Variants in TRHDE observed in about 807,000 individuals in gnomAD.
TRHDE encodes thyrotropin-releasing hormone-degrading ectoenzyme.
Under a neutral mutation model 125.7 loss-of-function variants are expected in TRHDE, and 72 were observed. The ratio of observed to expected loss-of-function variants is 0.57; its 90% confidence interval spans 0.47 to 0.70. TRHDE has a LOEUF of 0.70. Among genes scored for constraint, TRHDE ranks in the 30% least tolerant of loss-of-function variants. The pLI is 0.00. For missense variants in TRHDE, 1,110 were observed against 1,327.1 expected (o/e 0.84, Z 2.54); for synonymous variants, 509 against 509.1 (o/e 1.00, Z 0.00).
chr12:72,294,855 G>A (rs997257844), intron 2 of TRHDE, among the ~76,000 whole-genome samples: 1 of 152,008 alleles, frequency 6.6e-6, no homozygotes, highest in Non-Finnish European at 1.5e-5. Context: ...AATTTGTGGG[G>A]GGTGAGGTGG....
chr12:72,239,468 A>G (rs1182426562), intron 2 of TRHDE, among the ~76,000 whole-genome samples: 1 of 152,132 alleles, frequency 6.6e-6, no homozygotes, highest in Non-Finnish European at 1.5e-5. Context: ...GCCCATGCCT[A>G]TGTCCTGAAT....
intron 1 of TRHDE, chr12:72,274,681 G>C (rs1592512468): frequency 6.6e-6 from 1 of 152,324 alleles, no homozygotes; most frequent in South Asian, 2.1e-4. Context: ...AGAGTGAGCA[G>C]ACAAAGCACG....
chr12:72,648,010 T>C (rs1409757064), intron 15 of TRHDE, among the ~76,000 whole-genome samples: 1 of 152,096 alleles, frequency 6.6e-6, no homozygotes, highest in African/African-American at 2.4e-5. Flanking sequence ...TACAGAATAC[T>C]AGCAGCCTGA....
rs139906353 is a variant in TRHDE at position 72,366,064 on chromosome 12, G to A, written c.1189-11931G>A. ...GCCTTCTCCTCTTCGGAGGTCCAAC[G>A]AACTCTTTCTGCCTCCCCCTTATAA... On this transcript the variant is annotated intron_variant, in intron 2 of 18. Coordinates refer to ENST00000261180, the MANE Select transcript of TRHDE (RefSeq NM_013381.3). Among the ~76,000 whole-genome samples, 29 of 152,122 alleles carry A rather than the reference G, an allele frequency of 1.9e-4. No individual in the cohort carries two copies. In the South Asian group the frequency reaches 4.8e-3, roughly 25 times the overall value.
In TRHDE at chr12:72,176,294, C is replaced by T. The variant is rs371806588; in HGVS notation, n.279+70542C>T. Among the ~76,000 whole-genome samples the T allele has an allele frequency of 1.1e-4, 17 of 152,212 alleles. No individual in the cohort carries two copies. The South Asian group carries it at 1.2e-3, about 11-fold the overall frequency. On this transcript the variant is annotated intron_variant and non_coding_transcript_variant, in intron 2 of 4. Coordinates refer to the TRHDE transcript ENST00000548156. ...GCCTAGGTAAGAGGATCGCTTGAGC[C>T]GGGGAGGTGGAGGTTGCAGCGAGCC...
At chr12:72,517,100 A>G (rs1233266602) in intron 6 of TRHDE, among the ~76,000 whole-genome samples, 1 of 151,716 alleles carries the variant, frequency 6.6e-6, no homozygotes, top group Non-Finnish European at 1.5e-5. Context: ...TTGGTCTAAA[A>G]TTCTCTTTTT....
chr12:72,268,937 GA>G (rs1439731085), upstream of TRHDE, among the ~76,000 whole-genome samples: 1 of 152,034 alleles, frequency 6.6e-6, no homozygotes, highest in African/African-American at 2.4e-5. Context: ...ATGTTTCTGA[GA>G]GAAACATCAG....
At position 72,216,603 on chromosome 12, in the gene TRHDE, G is replaced by GA. The variant is rs567177295; in HGVS notation, n.279+110859dup. On this transcript the variant is annotated intron_variant and non_coding_transcript_variant, in intron 2 of 4. Transcript: ENST00000548156. ...TCCTGTAAAATATGCACCTTAAAGA[G>GA]AAAAAAAATGCCTTTTAAGGGAAAA... Among the ~76,000 whole-genome samples, 95 of 151,798 alleles carry GA rather than the reference G, an allele frequency of 6.3e-4. No individual in the cohort carries two copies. In the South Asian group the frequency reaches 0.019, roughly 30 times the overall value.
chr12:72,238,429 C>T (rs1878407105), intron 2 of TRHDE, among the ~76,000 whole-genome samples: 3 of 143,988 alleles, frequency 2.1e-5, no homozygotes, highest in Non-Finnish European at 4.5e-5. Flanking sequence ...TTCTGGGGTA[C>T]ATGTGCAGAA....
At position 72,386,537 on chromosome 12, in the gene TRHDE, C is replaced by T. The variant is rs201794528; in HGVS notation, c.1315+8416C>T. Among the ~76,000 whole-genome samples the T allele has an allele frequency of 2.6e-4, 40 of 152,160 alleles. 2 individuals are homozygous for T. The East Asian group carries it at 6.8e-3, about 26-fold the overall frequency. On this transcript the variant is annotated intron_variant, in intron 3 of 18. Transcript: ENST00000261180. ...TTCTCTTTATTGAATTTTTCCCTAT[C>T]AGCATTAAAAATATGGTGCTATTTC...
chr12:72,333,671 T>C (rs1327130849), intron 2 of TRHDE, among the ~76,000 whole-genome samples: 1 of 152,200 alleles, frequency 6.6e-6, no homozygotes, highest in Non-Finnish European at 1.5e-5. Flanking sequence ...CTCTTGCCCA[T>C]GTGGCATGAA....
At chr12:72,166,622 G>A (rs1876754797) in intron 2 of TRHDE, among the ~76,000 whole-genome samples, 2 of 152,178 alleles carry the variant, frequency 1.3e-5, no homozygotes, top group South Asian at 4.1e-4. Context: ...TCTAAGGCTT[G>A]TGCAGGTTCC....
intron 15 of TRHDE, among the ~76,000 whole-genome samples, chr12:72,649,061 A>G (rs1406602312): frequency 6.6e-6 from 1 of 152,058 alleles, no homozygotes; most frequent in Non-Finnish European, 1.5e-5. Context: ...ATGGAACCAC[A>G]AAAGACTACT....
At chr12:72,136,589 T>C (rs777308107) in intron 2 of TRHDE, among the ~76,000 whole-genome samples, 11 of 152,210 alleles carry the variant, frequency 7.2e-5, no homozygotes, top group Admixed American at 1.3e-4. Context: ...TAGTTTGGGA[T>C]TGGATAAAAC....
intron 1 of TRHDE, among the ~76,000 whole-genome samples, chr12:72,099,255 C>G (rs1032672121): frequency 8.5e-5 from 13 of 152,076 alleles, no homozygotes; most frequent in African/African-American, 3.1e-4. Context: ...AATTCAGAAG[C>G]AAACAGAGGG....
chr12:72,520,717 A>C (rs560709785), intron 6 of TRHDE, among the ~76,000 whole-genome samples: 1 of 152,182 alleles, frequency 6.6e-6, no homozygotes, highest in East Asian at 1.9e-4. Context: ...AGCATCAGAA[A>C]ATTTTTGCCT....
In TRHDE at chr12:72,568,662, CTA is replaced by C. The variant is rs764929447; in HGVS notation, c.2131+12_2131+13del. On this transcript the variant is annotated splice_region_variant and intron_variant, in intron 10 of 18. Transcript: ENST00000261180. ...TTGGGTGTCTAACAAATCAGGTAAA[CTA>C]TATATTCTCCCCTGAGGAAGTATCT... is the stretch of plus-strand genomic sequence containing the variant. 19 of 1,586,306 alleles carry C rather than the reference CTA, an allele frequency of 1.2e-5. No individual in the cohort carries two copies. In the Admixed American group the frequency reaches 2.7e-4, roughly 22 times the overall value.
intron 2 of TRHDE, among the ~76,000 whole-genome samples, chr12:72,349,095 T>C (rs1870463199): frequency 6.6e-6 from 1 of 152,062 alleles, no homozygotes; most frequent in Non-Finnish European, 1.5e-5. Flanking sequence ...TGTAATCCTG[T>C]TTCATTTCTA....
intron 2 of TRHDE, among the ~76,000 whole-genome samples, chr12:72,155,033 AT>A (rs1876470071): frequency 6.6e-6 from 1 of 152,202 alleles, no homozygotes; most frequent in African/African-American, 2.4e-5. Context: ...AGGTACACCA[AT>A]CAGACGTAGA....
Sources: gnomAD v4.1 joint callset for allele counts (sites outside exome capture counted in the v4.1 genomes callset) on GRCh38, gnomAD v4.1.1 for gene constraint, MANE v1.5 for transcripts, NCBI Gene and HGNC (gene_info 2026-07-23, HGNC 2026-07-21) for gene names.